MAP7D1: variants seen among roughly 807,000 people sequenced by gnomAD.
MAP7D1 encodes MAP7 domain-containing protein 1.
Under a neutral mutation model 97.5 loss-of-function variants are expected in MAP7D1, and 30 were observed. That is an observed-to-expected ratio of 0.31 (90% CI 0.23 to 0.42). The LOEUF (loss-of-function observed/expected upper bound fraction) is 0.42, where lower values mean the gene tolerates loss of function less well. MAP7D1 is among the 10% of genes least tolerant of loss of function. The pLI is 1.00. For synonymous variants in MAP7D1, 536 were observed against 477.1 expected (o/e 1.12, Z -1.61); for missense variants, 1,184 against 1,179.5 (o/e 1.00, Z -0.06).
chr1:36,178,975 CG>C lies in MAP7D1; in HGVS notation c.2083del (p.Glu695LysfsTer22). The C allele has an allele frequency of 6.6e-7, 1 of 1,521,396 alleles. No homozygotes were observed. Among genetic ancestry groups the C allele is most frequent in the Non-Finnish European group, 8.9e-7 (1 of 1,129,904 alleles). The allele number at this position is 1,521,396 out of a possible 1,614,324, so 94.2% of individuals were successfully genotyped here. A position where few individuals can be genotyped will look rare whatever the true frequency, so the allele number is the denominator to read the frequency against. ...AGAGGCGGAGCGGCAGCGTCTGGAG[CG>C]GGAAAAGCACTTCCAGCAGCAGGAG... is the stretch of plus-strand genomic sequence containing the variant. ...REEAERQRLE[R>X]EKHFQQQEQE... On this transcript the variant is annotated frameshift_variant, in exon 12 of 17. Coordinates refer to ENST00000474796, the MANE Select transcript of MAP7D1 (RefSeq NM_001388490.1). LOFTEE classifies it high-confidence loss of function.
rs1479081768 is a variant in MAP7D1, at chr1:36,172,590, T to C, written c.587T>C (p.Leu196Pro). 1.9e-6 allele frequency: 3 copies of C among 1,579,406 alleles called. No homozygotes were observed. Among genetic ancestry groups the C allele is most frequent in the Non-Finnish European group, 2.6e-6 (3 of 1,153,066 alleles). ...RLKAEQRRAA[L>P]EERQRQKLEK... is the part of the protein sequence containing the mutation. ...AAAGCCGAGCAACGCCGTGCAGCCCTGGAGGAACGGCAGCGGCAGAAGCTC... is the reference window on the plus strand; with the variant it reads ...AAAGCCGAGCAACGCCGTGCAGCCCCGGAGGAACGGCAGCGGCAGAAGCTC... The change falls in exon 4 of 17, where the codon CTG becomes CCG. Residue 196 changes from leucine to proline, a missense_variant. Physicochemically the swap from Leu to Pro is moderately conservative, Grantham distance 98 (BLOSUM62 -3). Transcript: ENST00000474796.
At chr1:36,174,863 G>T in intron 5 of MAP7D1, 35 bp from the exon 6 acceptor site, 2 of 1,380,562 alleles carry the variant, frequency 1.4e-6, no homozygotes, top group Non-Finnish European at 2.1e-6. Context: ...CTCCTGCCGG[G>T]CCCGGCCCTA....
chr1:36,175,123 C>A (rs867200498), intron 6 of MAP7D1, 115 bp downstream of exon 6: 1 of 701,902 alleles, frequency 1.4e-6, no homozygotes, highest in Admixed American at 2.2e-5. Flanking sequence ...TCCAGGTCCC[C>A]ATCCCCACTC....
intron 1 of MAP7D1, among the ~76,000 whole-genome samples, chr1:36,168,217 C>T (rs1644496680): frequency 1.3e-5 from 2 of 151,874 alleles, no homozygotes; most frequent in Admixed American, 1.3e-4. Context: ...ATTGCTTGAA[C>T]CTGGGAGGCA....
At chr1:36,171,428 G>A (rs1477237502) in intron 2 of MAP7D1, 85 bp from the exon 3 acceptor site, 5 of 1,561,824 alleles carry the variant, frequency 3.2e-6, no homozygotes, top group African/African-American at 2.7e-5. Flanking sequence ...GAAAGGATGG[G>A]GTGAGGCCCG....
chr1:36,161,492 T>C (rs941758445), intron 1 of MAP7D1, among the ~76,000 whole-genome samples: 2 of 152,332 alleles, frequency 1.3e-5, no homozygotes, highest in African/African-American at 4.8e-5. Context: ...CTTAAGTAAG[T>C]GTCTTAATCT....
chr1:36,169,529 C>T (rs934308762), intron 1 of MAP7D1, among the ~76,000 whole-genome samples: 20 of 149,074 alleles, frequency 1.3e-4, no homozygotes, highest in Non-Finnish European at 2.2e-4. Context: ...GCACTCCAGC[C>T]GGGGTGACAG....
In MAP7D1 at chr1:36,179,548, T is replaced by A; in HGVS notation, c.2218T>A (p.Ser740Thr). ...QDSKEANANGSSPEPVKAVEA... is the reference protein window; with the variant it reads ...QDSKEANANGTSPEPVKAVEA... ...CAGCAAGGAGGCCAACGCCAACGGTTCCAGCCCAGGTAAAGCCCCCATTCC... is the reference window on the plus strand; with the variant it reads ...CAGCAAGGAGGCCAACGCCAACGGTACCAGCCCAGGTAAAGCCCCCATTCC... Residue 740 changes from serine (S) to threonine (T), a missense_variant, in exon 14 of 17, where the codon TCC (serine) becomes ACC (threonine). Ser to Thr is a moderately conservative substitution (Grantham distance 58, BLOSUM62 1). Transcript: ENST00000474796. 1 of 1,571,696 alleles carries A rather than the reference T, an allele frequency of 6.4e-7. No homozygotes were observed. Among genetic ancestry groups the A allele is most frequent in the Non-Finnish European group, 8.6e-7 (1 of 1,157,352 alleles).
rs1481955343 is a variant in MAP7D1 at position 36,176,536 on chromosome 1, C to T, written c.1188C>T (p.Ala396=). Residue 396 remains alanine, a synonymous_variant, in exon 7 of 17, where the codon GCC becomes GCT. Transcript: ENST00000474796. This position sits in a 1 kb window ranked among gnomAD's most constrained non-coding sequence, Gnocchi z 6.1. The part of the protein sequence containing the change: ...GERGERRKPN[A]GGSPAPVRRR... ...GCGGGGAGCGCCGCAAGCCCAACGCCGGGGGCAGCCCCGCTCCGGTGCGCC... is the reference window on the plus strand; with the variant it reads ...GCGGGGAGCGCCGCAAGCCCAACGCTGGGGGCAGCCCCGCTCCGGTGCGCC... 3.3e-5 allele frequency: 46 copies of T among 1,404,174 alleles called. No homozygotes were observed. The highest frequency in any genetic ancestry group is 4.3e-5 in the Non-Finnish European group (46 of 1,080,192). 87.0% of individuals were successfully genotyped at this position (1,404,174 alleles called of 1,614,324 possible).
Position 36,180,365 on chromosome 1 carries a change from C to T in MAP7D1, c.*107C>T, listed in dbSNP as rs1644700159. On this transcript the variant is annotated 3_prime_UTR_variant, in exon 17 of 17. Transcript: ENST00000474796. ...AACAAAGATGGAAGTGGCCTGGGCCCCTGGGGGTGGGTCCTCTCTGTTGTT... is the reference window on the plus strand; with the variant it reads ...AACAAAGATGGAAGTGGCCTGGGCCTCTGGGGGTGGGTCCTCTCTGTTGTT... 1 of 1,518,342 alleles carries T rather than the reference C, an allele frequency of 6.6e-7. No homozygotes were observed. The highest frequency in any genetic ancestry group is 1.1e-5 in the South Asian group (1 of 88,936). The allele number at this position is 1,518,342 out of a possible 1,614,324, so 94.1% of individuals were successfully genotyped here.
chr1:36,178,886 G>A (rs1231699248), intron 11 of MAP7D1, 35 bp from the exon 12 acceptor site: 1 of 1,550,132 alleles, frequency 6.5e-7, no homozygotes. Context: ...GAAGGCTGGA[G>A]TCAAGTGCCC....
chr1:36,165,106 C>T (rs1246901384), intron 1 of MAP7D1, among the ~76,000 whole-genome samples: 1 of 152,142 alleles, frequency 6.6e-6, no homozygotes, highest in African/African-American at 2.4e-5. Flanking sequence ...ACTTCAACTG[C>T]AGTTTGTAGT....
In MAP7D1 at chr1:36,176,854, C is replaced by T. The variant is rs760993829; in HGVS notation, c.1379+12C>T. On this transcript the variant is annotated intron_variant, in intron 8 of 16. Transcript: ENST00000474796. This position sits in a 1 kb window ranked among gnomAD's most constrained non-coding sequence, Gnocchi z 6.1. ...GCCTCTGAGCTCAGGTGGGCGCGGG[C>T]GGTGCGAGGGACCCTGCCCCTCACC... The T allele has an allele frequency of 1.8e-5, 28 of 1,579,894 alleles. 1 individual carries two copies. In the South Asian group the frequency reaches 2.8e-4, roughly 16 times the overall value.
intron 1 of MAP7D1, among the ~76,000 whole-genome samples, chr1:36,167,254 ACAGT>A (rs1160842053): frequency 3.3e-5 from 5 of 152,168 alleles, no homozygotes; most frequent in Non-Finnish European, 7.3e-5. Context: ...CTGAGAAATG[ACAGT>A]CAGCAAGGTA....
chr1:36,172,676 G>A (rs1344431674), intron 4 of MAP7D1, 49 bp downstream of exon 4: 7 of 1,474,646 alleles, frequency 4.7e-6, no homozygotes, highest in Non-Finnish European at 5.5e-6. Flanking sequence ...CTCACCGTCT[G>A]CATACTGGTG....
intron 1 of MAP7D1, among the ~76,000 whole-genome samples, chr1:36,166,353 T>C (rs183874971): frequency 1.4e-4 from 22 of 151,852 alleles, no homozygotes; most frequent in Middle Eastern, 3.4e-3. Flanking sequence ...TGAGGAATCA[T>C]TGCAGGATTT....
intron 1 of MAP7D1, among the ~76,000 whole-genome samples, chr1:36,160,718 G>T (rs959295844): frequency 2.0e-5 from 3 of 152,246 alleles, no homozygotes; most frequent in Admixed American, 6.5e-5. Context: ...CAGTGACAAG[G>T]TCTGGCCTGC....
intron 1 of MAP7D1, among the ~76,000 whole-genome samples, chr1:36,169,317 G>T (rs947452035): frequency 1.3e-4 from 20 of 151,918 alleles, no homozygotes; most frequent in Non-Finnish European, 2.5e-4. Context: ...AGCACTTCGG[G>T]AGGCTGAGGC....
rs892282169 is a variant in MAP7D1 at position 36,176,037 on chromosome 1, C to G, written c.851-162C>G. On this transcript the variant is annotated intron_variant, in intron 6 of 16. Transcript: ENST00000474796. The surrounding 1 kb of genome is among the most constrained non-coding windows in gnomAD (Gnocchi z 6.1). ...CTGGGTCTGTAGTGGAAGTCCAGAT[C>G]ATAGGGAGGACAAGTGTGGCCCCGG... is the stretch of plus-strand genomic sequence containing the variant. Among the ~76,000 whole-genome samples the G allele has an allele frequency of 3.9e-5, 6 of 152,172 alleles. No individual in the cohort carries two copies. Among genetic ancestry groups the G allele is most frequent in the African/African-American group, 1.2e-4 (5 of 41,446 alleles).
Sources: allele counts gnomAD v4.1 joint callset (sites outside exome capture counted in the v4.1 genomes callset), GRCh38; gene constraint gnomAD v4.1.1; non-coding constraint Gnocchi (gnomAD v3.1); transcripts MANE v1.5; gene names NCBI Gene and HGNC (gene_info 2026-07-23, HGNC 2026-07-21).